The following PDE4D variants were observed in gnomAD, a reference collection of about 807,000 sequenced individuals.
The protein encoded by PDE4D is 3',5'-cyclic-AMP phosphodiesterase 4D.
Under a neutral mutation model 87.4 loss-of-function variants are expected in PDE4D, and 24 were observed. That is an observed-to-expected ratio of 0.27 (90% CI 0.20 to 0.39). PDE4D has a LOEUF of 0.39. Ranked by LOEUF, PDE4D falls within the 10% of genes least tolerant of loss-of-function variation. The probability of loss-of-function intolerance (pLI) is 1.00; values close to 1 mark genes in which losing one functional copy is unlikely to be tolerated. For missense variants in PDE4D, 714 were observed against 1,041.0 expected, an observed-to-expected ratio of 0.69 and a Z score of 4.32; for synonymous variants, 384 against 383.2, an observed-to-expected ratio of 1.00 and a Z score of -0.02.
At chr5:59,081,234 T>C (rs965137762) in intron 5 of PDE4D, among the ~76,000 whole-genome samples, 2 of 152,070 alleles carry the variant, frequency 1.3e-5, no homozygotes, top group Non-Finnish European at 2.9e-5. Flanking sequence ...AGCCAAATAA[T>C]ATATAAGCAA....
At chr5:59,949,217 G>A (rs1199086029) in intron 3 of PDE4D, among the ~76,000 whole-genome samples, 1 of 152,156 alleles carries the variant, frequency 6.6e-6, no homozygotes, top group Admixed American at 6.5e-5. Context: ...GGATCACGAG[G>A]TCAGGAAATC....
rs56258601 is a variant in PDE4D, at chr5:59,890,254, T to TACACACAC, written c.455+2906_455+2913dup. ...TGATGGTAAGATGGTGGTGCGCACG[T>TACACACAC]ACACACACACACACACACACACACA... On this transcript the variant is annotated intron_variant, in intron 1 of 14. Transcript: ENST00000340635. Among the ~76,000 whole-genome samples the TACACACAC allele has an allele frequency of 3.5e-4, 51 of 145,454 alleles. No individual in the cohort carries two copies. In the South Asian group the frequency reaches 3.6e-3, roughly 10 times the overall value.
intron 1 of PDE4D, among the ~76,000 whole-genome samples, chr5:60,257,664 C>T (rs760948586): frequency 6.6e-6 from 1 of 151,914 alleles, no homozygotes; most frequent in African/African-American, 2.4e-5. Flanking sequence ...CTAGAGAAAG[C>T]ACTTCTGCCA....
rs554375083 is a variant in PDE4D at position 60,461,141 on chromosome 5, G to A, written c.-90+26801C>T. On this transcript the variant is annotated intron_variant, in intron 1 of 16. Coordinates refer to the PDE4D transcript ENST00000502484. ...GAATGAGTGCTCTCAAAAAATGGGA[G>A]AAAATGCAGAAAATAACATTATTTT... Among the ~76,000 whole-genome samples the A allele has an allele frequency of 6.6e-5, 10 of 152,294 alleles. No homozygotes were observed. The South Asian group carries it at 2.1e-3, about 32-fold the overall frequency.
intron 1 of PDE4D, among the ~76,000 whole-genome samples, chr5:60,373,053 G>A (rs1218514209): frequency 2.0e-5 from 3 of 152,240 alleles, no homozygotes; most frequent in East Asian, 1.9e-4. Context: ...ACTCTAAAGT[G>A]GAACTGTGGG....
chr5:60,096,214 T>A (rs796899169), intron 2 of PDE4D, among the ~76,000 whole-genome samples: 12 of 152,190 alleles, frequency 7.9e-5, no homozygotes, highest in African/African-American at 2.9e-4. Context: ...TTCTAGGGTT[T>A]TTATGACCAA....
At chr5:59,404,664 T>TAAAAAAAAAA (rs141310449) in intron 1 of PDE4D, among the ~76,000 whole-genome samples, 1 of 137,168 alleles carries the variant, frequency 7.3e-6, no homozygotes, top group Non-Finnish European at 1.6e-5. Context: ...AGACTCTGTC[T>TAAAAAAAAAA]AAAAAAAAAA....
chr5:58,981,006 C>G (rs1744994641), intron 11 of PDE4D, among the ~76,000 whole-genome samples: 1 of 152,076 alleles, frequency 6.6e-6, no homozygotes, highest in Non-Finnish European at 1.5e-5. Flanking sequence ...TTGCCCTTCC[C>G]CCAATGTTTT....
At chr5:60,237,288 G>GCTTC (rs1280338429) in intron 1 of PDE4D, among the ~76,000 whole-genome samples, 1 of 151,966 alleles carries the variant, frequency 6.6e-6, no homozygotes, top group Non-Finnish European at 1.5e-5. Context: ...ATTTATCCCA[G>GCTTC]AGAAAAAGAA....
At chr5:60,330,038 A>C (rs1414555859) in intron 1 of PDE4D, among the ~76,000 whole-genome samples, 1 of 138,294 alleles carries the variant, frequency 7.2e-6, no homozygotes, top group African/African-American at 3.1e-5. Context: ...GTTCTAAATG[A>C]GATAAAAAAA....
chr5:59,279,289 T>C (rs1581735539), intron 1 of PDE4D, among the ~76,000 whole-genome samples: 2 of 152,258 alleles, frequency 1.3e-5, no homozygotes, highest in African/African-American at 4.8e-5. Context: ...TTCCTGCTAT[T>C]CTCTATTGTA....
In PDE4D at chr5:58,973,121, C is replaced by A. The variant is rs1446589956; in HGVS notation, c.*1543G>T. 2 of 152,148 alleles carry A rather than the reference C, an allele frequency of 1.3e-5. No homozygotes were observed. Among genetic ancestry groups the A allele is most frequent in the Non-Finnish European group, 2.9e-5 (2 of 68,020 alleles). 9.4% of individuals were successfully genotyped at this position (152,148 alleles called of 1,614,324 possible). A position where few individuals can be genotyped will look rare whatever the true frequency, so the allele number is the denominator to read the frequency against. On this transcript the variant is annotated 3_prime_UTR_variant, in exon 15 of 15. Coordinates refer to ENST00000340635, the MANE Select transcript of PDE4D (RefSeq NM_001104631.2). ...ATAGTTCTTAATCCCATGGTGAAAT[C>A]ATTAAAACCAAATAGGATTAGTTGT...
chr5:60,071,067 CT>C (rs1396378373), intron 2 of PDE4D, among the ~76,000 whole-genome samples: 1 of 151,662 alleles, frequency 6.6e-6, no homozygotes, highest in East Asian at 1.9e-4. Context: ...AGGCATCGCT[CT>C]TTTTTTGCTA....
intron 1 of PDE4D, among the ~76,000 whole-genome samples, chr5:59,829,144 T>TACACACAC (rs71606607): frequency 2.1e-4 from 32 of 150,608 alleles, no homozygotes; most frequent in African/African-American, 3.2e-4. Flanking sequence ...TATACTTATC[T>TACACACAC]ACACACACAC....
At chr5:60,464,653 T>A (rs1021707842) in intron 1 of PDE4D, among the ~76,000 whole-genome samples, 2 of 152,118 alleles carry the variant, frequency 1.3e-5, no homozygotes, top group African/African-American at 4.8e-5. Flanking sequence ...TACAAGACAG[T>A]CCCTCTGATC....
intron 5 of PDE4D, among the ~76,000 whole-genome samples, chr5:59,116,355 A>T (rs528381661): frequency 6.6e-6 from 1 of 151,946 alleles, no homozygotes; most frequent in South Asian, 2.1e-4. Flanking sequence ...ATACAAACGA[A>T]TTTTTTTTGC....
chr5:59,112,460 G>A (rs974389445), intron 5 of PDE4D, among the ~76,000 whole-genome samples: 1 of 152,116 alleles, frequency 6.6e-6, no homozygotes, highest in African/African-American at 2.4e-5. Context: ...GGAGATGCAG[G>A]GTCTCCTATT....
At chr5:59,586,570 G>A (rs1825175105) in intron 1 of PDE4D, 1 of 1,375,612 alleles carries the variant, frequency 7.3e-7, no homozygotes, top group Admixed American at 3.3e-5. Context: ...GGCCTTCCAG[G>A]ATTTGAAAAA....
At position 59,944,898 on chromosome 5, in the gene PDE4D, C is replaced by T. The variant is rs550391665; in HGVS notation, c.272+43590G>A. 1.4e-3 allele frequency among the ~76,000 whole-genome samples: 215 copies of T among 152,122 alleles called. 1 individual carries two copies. Among genetic ancestry groups the T allele is most frequent in the South Asian group, 2.9e-3 (14 of 4,808 alleles). ...TTAATCTTCTTTACTCTGCAGTCTT[C>T]GCAGAATTTAAACTCTGATGTGTTT... On this transcript the variant is annotated intron_variant, in intron 3 of 16. Transcript: ENST00000502484.
Sources: allele counts gnomAD v4.1 joint callset (sites outside exome capture counted in the v4.1 genomes callset), GRCh38; gene constraint gnomAD v4.1.1; transcripts MANE v1.5; gene names NCBI Gene and HGNC (gene_info 2026-07-23, HGNC 2026-07-21).